Variants in GPHN observed in about 807,000 individuals in gnomAD.
GPHN encodes gephyrin.
In GPHN, 17 loss-of-function variants were observed where a neutral mutation model predicts 95.5. The observed-to-expected ratio is 0.18, with a 90% confidence interval of 0.12 to 0.27. GPHN has a LOEUF of 0.27. Ranked by LOEUF, GPHN falls within the 10% of genes least tolerant of loss-of-function variation. The pLI is 1.00. For synonymous variants in GPHN, 320 were observed against 322.5 expected (o/e 0.99, Z 0.08); for missense variants, 660 against 978.1 (o/e 0.67, Z 4.34).
intron 1 of GPHN, among the ~76,000 whole-genome samples, chr14:66,545,278 G>A (rs2059513878): frequency 7.0e-6 from 1 of 142,508 alleles, no homozygotes; most frequent in East Asian, 2.4e-4. Flanking sequence ...CCCAGTAGGG[G>A]CGGCCGGGCA....
Position 66,692,643 on chromosome 14 carries a change from TAATTACCA to T in GPHN, c.143+11459_143+11466del, listed in dbSNP as rs779934270. Among the ~76,000 whole-genome samples the T allele has an allele frequency of 8.2e-3, 1,249 of 152,306 alleles. 13 individuals are homozygous for T. Among genetic ancestry groups the T allele is most frequent in the African/African-American group, 0.028 (1,180 of 41,552 alleles). On this transcript the variant is annotated intron_variant, in intron 2 of 22. Transcript: ENST00000478722. Reference sequence around the variant, plus strand: ...AGTTTTCTATAATATTTGCTATTTCTAATTACCATTTTTATATGACCATTGGTGCATAT... The same window carrying T: ...AGTTTTCTATAATATTTGCTATTTCTTTTTTATATGACCATTGGTGCATAT...
At chr14:67,271,012 T>C in the GPHN span, 1 of 152,198 alleles carries the variant, frequency 6.6e-6, no homozygotes, top group Admixed American at 6.5e-5. Flanking sequence ...TGCAGGTGCG[T>C]AGTAAAAGAT....
At chr14:66,599,848 T>C (rs536153567) in intron 1 of GPHN, among the ~76,000 whole-genome samples, 2 of 152,118 alleles carry the variant, frequency 1.3e-5, no homozygotes, top group African/African-American at 4.8e-5. Context: ...TCTGTATATC[T>C]ATATCTATAT....
chr14:67,307,406 G>A, the GPHN span, among the ~76,000 whole-genome samples: 1 of 152,246 alleles, frequency 6.6e-6, no homozygotes, highest in African/African-American at 2.4e-5. Context: ...TTTAAATGAA[G>A]AAGGATCACA....
intron 11 of GPHN, among the ~76,000 whole-genome samples, chr14:67,062,283 A>C (rs1236273506): frequency 1.3e-5 from 2 of 152,234 alleles, no homozygotes; most frequent in East Asian, 3.8e-4. Flanking sequence ...AAACTATTTA[A>C]TATCATTCAT....
the GPHN span, chr14:67,320,178 T>C: frequency 1.2e-5 from 18 of 1,559,526 alleles, no homozygotes; most frequent in Admixed American, 1.5e-4. Flanking sequence ...ATTTATATCT[T>C]TAATACATGG....
intron 2 of GPHN, among the ~76,000 whole-genome samples, chr14:66,689,702 T>G (rs2067648341): frequency 6.6e-6 from 1 of 152,186 alleles, no homozygotes; most frequent in Non-Finnish European, 1.5e-5. Context: ...ATTACAAATT[T>G]AGTCACGTTA....
chr14:67,125,501 G>A (rs567058424), intron 17 of GPHN, among the ~76,000 whole-genome samples: 4 of 152,350 alleles, frequency 2.6e-5, no homozygotes, highest in Admixed American at 1.3e-4. Context: ...TAAGGGCGAG[G>A]TGCAGTGGCT....
the GPHN span, among the ~76,000 whole-genome samples, chr14:67,713,398 A>C: frequency 5.8e-4 from 1 of 1,718 alleles, no homozygotes; most frequent in Non-Finnish European, 2.7e-3. Flanking sequence ...GTAAAACTCC[A>C]AAAAAAAAAA....
the GPHN span, among the ~76,000 whole-genome samples, chr14:67,680,467 T>C: frequency 7.2e-5 from 11 of 152,130 alleles, no homozygotes; most frequent in African/African-American, 2.7e-4. Context: ...CAGCAAGAGC[T>C]TTCTGGTTGT....
the GPHN span, among the ~76,000 whole-genome samples, chr14:67,622,563 G>A: frequency 6.6e-6 from 1 of 152,178 alleles, no homozygotes; most frequent in Non-Finnish European, 1.5e-5. Flanking sequence ...CTAAGATTTA[G>A]TCTTCTTTTA....
chr14:67,404,010 G>A, the GPHN span, among the ~76,000 whole-genome samples: 175 of 152,186 alleles, frequency 1.1e-3, no homozygotes, highest in African/African-American at 3.8e-3. Context: ...CTGTGATTGC[G>A]CTACCACACT....
the GPHN span, among the ~76,000 whole-genome samples, chr14:67,258,364 G>A: frequency 3.9e-5 from 6 of 152,210 alleles, 1 homozygote; most frequent in South Asian, 1.2e-3. Context: ...GCGAAACCCC[G>A]TCTCTACCAC....
the GPHN span, among the ~76,000 whole-genome samples, chr14:67,225,970 C>CGCGT: frequency 9.5e-6 from 1 of 104,808 alleles, no homozygotes; most frequent in Non-Finnish European, 2.5e-5. Flanking sequence ...TGTGCGCGCG[C>CGCGT]GCGCGTGCGC....
the GPHN span, among the ~76,000 whole-genome samples, chr14:67,378,234 A>G: frequency 6.6e-6 from 1 of 151,392 alleles, no homozygotes; most frequent in South Asian, 2.1e-4. Flanking sequence ...GAGAATGAGT[A>G]GGACCCAAGA....
chr14:67,535,285 C>T, the GPHN span, among the ~76,000 whole-genome samples: 2 of 151,252 alleles, frequency 1.3e-5, no homozygotes, highest in South Asian at 4.2e-4. Flanking sequence ...ACTATATACC[C>T]TTTTGTTCAA....
chr14:66,949,464 GA>G (rs1314634619), intron 8 of GPHN, among the ~76,000 whole-genome samples: 1 of 152,130 alleles, frequency 6.6e-6, no homozygotes, highest in Non-Finnish European at 1.5e-5. Flanking sequence ...AGGATTTATA[GA>G]AAATGCAGCC....
intron 10 of GPHN, among the ~76,000 whole-genome samples, chr14:67,051,034 G>GTGCAGA (rs1567259733): frequency 1.3e-5 from 2 of 151,284 alleles, no homozygotes; most frequent in East Asian, 3.9e-4. Context: ...GCACAGAACT[G>GTGCAGA]TGCAGATTCT....
chr14:66,678,436 GTTTT>G (rs2066740364), intron 1 of GPHN, among the ~76,000 whole-genome samples: 1 of 144,598 alleles, frequency 6.9e-6, no homozygotes, highest in South Asian at 2.1e-4. Flanking sequence ...CTGTTTAGTT[GTTTT>G]TTATGACATT....
Sources: allele counts gnomAD v4.1 joint callset (sites outside exome capture counted in the v4.1 genomes callset), GRCh38; gene constraint gnomAD v4.1.1; transcripts MANE v1.5; gene names NCBI Gene and HGNC (gene_info 2026-07-23, HGNC 2026-07-21).